Variants in TSPAN14 observed in about 807,000 individuals in gnomAD.
The protein encoded by TSPAN14 is tetraspanin-14.
In TSPAN14, 16 loss-of-function variants were observed where a neutral mutation model predicts 36.6. The ratio of observed to expected loss-of-function variants is 0.44; its 90% CI spans 0.30 to 0.66. The LOEUF (loss-of-function observed/expected upper bound fraction) is 0.66. Among genes scored for constraint, TSPAN14 ranks in the 30% least tolerant of loss-of-function variants. The pLI is 0.12. For missense variants in TSPAN14, 231 were observed against 355.1 expected, an observed-to-expected ratio of 0.65 and a Z score of 2.81; for synonymous variants, 139 against 143.8, an observed-to-expected ratio of 0.97 and a Z score of 0.24.
intron 1 of TSPAN14, among the ~76,000 whole-genome samples, chr10:80,476,075 T>G (rs376345670): frequency 6.6e-6 from 1 of 152,174 alleles, no homozygotes; most frequent in Non-Finnish European, 1.5e-5. Context: ...AAATATCTAA[T>G]ACAATGTAAA....
intron 5 of TSPAN14, among the ~76,000 whole-genome samples, chr10:80,511,720 CTCTCTCT>C (rs1840642968): frequency 2.5e-5 from 1 of 40,492 alleles, no homozygotes; most frequent in African/African-American, 2.3e-4. Context: ...TCCTCTCTCT[CTCTCTCT>C]CTCTCTCTCT....
intron 5 of TSPAN14, chr10:80,510,039 A>G (rs1204512042): frequency 6.5e-6 from 1 of 152,814 alleles, no homozygotes; most frequent in Non-Finnish European, 1.5e-5. Context: ...TATGGCCTTT[A>G]CTCCATCTGG....
chr10:80,455,532 T>C (rs10887914), intron 1 of TSPAN14, among the ~76,000 whole-genome samples: 89,884 of 151,958 alleles, frequency 0.59, 27,180 homozygotes, highest in East Asian at 0.95. Flanking sequence ...GCCTTCCCCT[T>C]GCCCCTTGAC....
chr10:80,492,440 G>C lies in TSPAN14; in HGVS notation c.81+3126G>C, dbSNP rs537432133. On this transcript the variant is annotated intron_variant, in intron 2 of 8. Coordinates refer to ENST00000429989, the Ensembl canonical transcript of TSPAN14. The stretch of plus-strand genomic sequence containing the variant: ...CTCAGCAGGCAAGTTTGAATGTGCA[G>C]AAGGCAACTTGTTGCTTCTGTGACC... 6.6e-4 allele frequency among the ~76,000 whole-genome samples: 100 copies of C among 152,318 alleles called. No homozygotes were observed. In the South Asian group the frequency reaches 0.016, roughly 24 times the overall value.
intron 1 of TSPAN14, among the ~76,000 whole-genome samples, chr10:80,458,429 C>G (rs1845826999): frequency 6.6e-6 from 1 of 152,182 alleles, no homozygotes; most frequent in Non-Finnish European, 1.5e-5. Context: ...CTGGTGATTT[C>G]CCTCGGGGCC....
intron 1 of TSPAN14, among the ~76,000 whole-genome samples, chr10:80,471,815 A>T (rs925294493): frequency 6.6e-6 from 1 of 152,216 alleles, no homozygotes; most frequent in Non-Finnish European, 1.5e-5. Flanking sequence ...TGCCTCACCT[A>T]GGTGGGCAGG....
intron 1 of TSPAN14, among the ~76,000 whole-genome samples, chr10:80,465,594 T>C (rs1426555506): frequency 6.6e-6 from 1 of 152,142 alleles, no homozygotes. Context: ...GTATCCCCTC[T>C]TACTGGATCA....
chr10:80,467,661 G>C (rs1040516277), intron 1 of TSPAN14, among the ~76,000 whole-genome samples: 1 of 152,166 alleles, frequency 6.6e-6, no homozygotes, highest in Non-Finnish European at 1.5e-5. Context: ...TTAACAAAGA[G>C]CCCCTCTTTT....
At chr10:80,511,968 C>T (rs1469986436) in intron 5 of TSPAN14, among the ~76,000 whole-genome samples, 176 bp from the exon 6 acceptor site, 1 of 152,034 alleles carries the variant, frequency 6.6e-6, no homozygotes, top group Non-Finnish European at 1.5e-5. Flanking sequence ...TCTTAAAGGG[C>T]TGCCTGGGTT....
chr10:80,467,610 C>A (rs1846313136), intron 1 of TSPAN14, among the ~76,000 whole-genome samples: 1 of 152,218 alleles, frequency 6.6e-6, no homozygotes, highest in Non-Finnish European at 1.5e-5. Flanking sequence ...ATCTCTCTTG[C>A]CAACTCAGGA....
intron 4 of TSPAN14, among the ~76,000 whole-genome samples, chr10:80,508,766 C>T (rs186456840): frequency 1.4e-3 from 220 of 152,296 alleles, no homozygotes; most frequent in African/African-American, 4.9e-3. Context: ...CTATGTACCT[C>T]GTGACATAGC....
At chr10:80,499,722 T>C (rs1001035275) in intron 2 of TSPAN14, among the ~76,000 whole-genome samples, 1 of 152,186 alleles carries the variant, frequency 6.6e-6, no homozygotes, top group Non-Finnish European at 1.5e-5. Flanking sequence ...AGTTATGGGA[T>C]ATGGAGGGAT....
In TSPAN14 at chr10:80,504,093, T is replaced by C. The variant is rs537880165; in HGVS notation, c.82-635T>C. On this transcript the variant is annotated intron_variant, in intron 2 of 8. Transcript: ENST00000429989. Reference sequence around the variant, plus strand: ...TTGCTTAGAGCAAGCCTATTTTCATTCTCTAGCTAAAAGCCCAGCCTTTCC... The same window carrying C: ...TTGCTTAGAGCAAGCCTATTTTCATCCTCTAGCTAAAAGCCCAGCCTTTCC... 1.7e-3 allele frequency among the ~76,000 whole-genome samples: 263 copies of C among 152,286 alleles called. No individual in the cohort carries two copies. The Middle Eastern group carries it at 0.024, about 14-fold the overall frequency.
At chr10:80,518,482 GCTGGGC>G in exon 9 of TSPAN14, 1 of 172,878 alleles carries the variant, frequency 5.8e-6, no homozygotes, top group Non-Finnish European at 1.3e-5. Flanking sequence ...ACGTGGCCCC[GCTGGGC>G]CTCTGAGTGC....
At chr10:80,464,156 C>T (rs186354176) in intron 1 of TSPAN14, among the ~76,000 whole-genome samples, 24 of 152,236 alleles carry the variant, frequency 1.6e-4, no homozygotes, top group Admixed American at 1.2e-3. Context: ...CTGGAGCTGG[C>T]GTCAGCTTTT....
intron 2 of TSPAN14, among the ~76,000 whole-genome samples, chr10:80,499,091 G>T (rs1298969568): frequency 6.6e-6 from 1 of 152,216 alleles, no homozygotes; most frequent in Non-Finnish European, 1.5e-5. Context: ...TTTTATACAC[G>T]CTTAAATGAA....
intron 2 of TSPAN14, among the ~76,000 whole-genome samples, chr10:80,497,294 A>G (rs755673249): frequency 1.6e-4 from 24 of 152,236 alleles, no homozygotes; most frequent in Admixed American, 5.2e-4. Flanking sequence ...ATGACATCCC[A>G]TCTTTCCTCT....
chr10:80,490,659 C>T (rs796186346), intron 2 of TSPAN14, among the ~76,000 whole-genome samples: 10 of 152,124 alleles, frequency 6.6e-5, no homozygotes, highest in African/African-American at 1.7e-4. Flanking sequence ...CAGCTGGAGT[C>T]GGCTGAGGAG....
At chr10:80,513,482 C>T (rs376845151) in intron 6 of TSPAN14, among the ~76,000 whole-genome samples, 2 of 152,148 alleles carry the variant, frequency 1.3e-5, no homozygotes, top group Admixed American at 6.5e-5. Flanking sequence ...GTCTCCACTG[C>T]GACTGTGAAA....
Sources: gnomAD v4.1 joint callset for allele counts (sites outside exome capture counted in the v4.1 genomes callset) on GRCh38, gnomAD v4.1.1 for gene constraint, MANE v1.5 for transcripts, NCBI Gene and HGNC (gene_info 2026-07-23, HGNC 2026-07-21) for gene names.